Variants in DPP10 observed in about 807,000 individuals in gnomAD.
DPP10 encodes the protein inactive dipeptidyl peptidase 10.
Under a neutral mutation model 120.9 loss-of-function variants are expected in DPP10, and 33 were observed. The ratio of observed to expected loss-of-function variants is 0.27; its 90% CI spans 0.21 to 0.37. The LOEUF (loss-of-function observed/expected upper bound fraction) is 0.37, where lower values mean the gene tolerates loss of function less well. Ranked by LOEUF, DPP10 falls within the 10% of genes least tolerant of loss-of-function variation. DPP10 has a pLI of 1.00. For missense variants in DPP10, 816 were observed against 942.8 expected (o/e 0.87, Z 1.76); for synonymous variants, 337 against 326.1 (o/e 1.03, Z -0.36).
At chr2:114,992,251 C>T (rs1273685108) in intron 1 of DPP10, among the ~76,000 whole-genome samples, 7 of 152,214 alleles carry the variant, frequency 4.6e-5, no homozygotes, top group African/African-American at 1.7e-4. Context: ...ATGCATTCTT[C>T]TGCATACCTA....
intron 1 of DPP10, among the ~76,000 whole-genome samples, chr2:114,684,458 G>T (rs141013288): frequency 1.3e-5 from 2 of 152,024 alleles, no homozygotes; most frequent in African/African-American, 4.8e-5. Flanking sequence ...GTTAGCATAT[G>T]AAAGTGTTTT....
chr2:115,467,340 T>C (rs190921228), intron 3 of DPP10, among the ~76,000 whole-genome samples: 1 of 151,842 alleles, frequency 6.6e-6, no homozygotes, highest in Non-Finnish European at 1.5e-5. Flanking sequence ...GGCGGACAGA[T>C]CATGAGGTCA....
chr2:115,683,987 A>T (rs1348514474), intron 5 of DPP10, among the ~76,000 whole-genome samples: 1 of 151,910 alleles, frequency 6.6e-6, no homozygotes, highest in Non-Finnish European at 1.5e-5. Flanking sequence ...ATTGATTTTA[A>T]ATGCCATCCA....
At chr2:115,384,482 GAAGAAGAAGAAGAGGAA>G (rs1394072986) in intron 3 of DPP10, among the ~76,000 whole-genome samples, 71 of 148,284 alleles carry the variant, frequency 4.8e-4, no homozygotes, top group African/African-American at 1.7e-3. Context: ...GAAGAAGGAA[GAAGAAGAAGAAGAGGAA>G]AAGAAGAAGA....
Position 114,567,977 on chromosome 2 carries a change from T to C in DPP10, c.60+125139T>C, listed in dbSNP as rs1181562953. Reference sequence around the variant, plus strand: ...AACCACTATGACAGATGCTTACCTATGTAACAACCTGTACATCCTGCACAT... The same window carrying C: ...AACCACTATGACAGATGCTTACCTACGTAACAACCTGTACATCCTGCACAT... On this transcript the variant is annotated intron_variant, in intron 1 of 25. Coordinates refer to ENST00000410059, the MANE Select transcript of DPP10 (RefSeq NM_020868.6). Among the ~76,000 whole-genome samples, 3 of 149,298 alleles carry C rather than the reference T, an allele frequency of 2.0e-5. No individual in the cohort carries two copies. In the South Asian group the frequency reaches 6.3e-4, roughly 32 times the overall value.
intron 5 of DPP10, among the ~76,000 whole-genome samples, chr2:115,681,831 CTT>C (rs2090682265): frequency 6.8e-6 from 1 of 146,798 alleles, no homozygotes; most frequent in African/African-American, 2.5e-5. Flanking sequence ...CTTTCTTCCT[CTT>C]TCTTTCTTTT....
intron 1 of DPP10, among the ~76,000 whole-genome samples, chr2:114,595,499 C>T (rs982228352): frequency 8.5e-5 from 13 of 152,110 alleles, no homozygotes; most frequent in Non-Finnish European, 1.8e-4. Flanking sequence ...ACACTTTCTG[C>T]ACCTCAAGAA....
chr2:114,997,317 G>A (rs1478415676), intron 1 of DPP10, among the ~76,000 whole-genome samples: 6 of 107,192 alleles, frequency 5.6e-5, no homozygotes, highest in South Asian at 4.0e-4. Flanking sequence ...GTGAAACCCC[G>A]TCTCTACTGA....
chr2:115,141,244 C>T (rs1424537255), intron 1 of DPP10, among the ~76,000 whole-genome samples: 2 of 152,166 alleles, frequency 1.3e-5, no homozygotes, highest in African/African-American at 4.8e-5. Flanking sequence ...TCAGAGAGAA[C>T]ATCTCTTTCA....
intron 1 of DPP10, among the ~76,000 whole-genome samples, chr2:114,762,116 T>C (rs1680335349): frequency 6.6e-6 from 1 of 152,210 alleles, no homozygotes. Flanking sequence ...TATTTGCTTC[T>C]CCTGTATCCA....
At chr2:114,799,875 G>A (rs1684046710) in intron 1 of DPP10, among the ~76,000 whole-genome samples, 1 of 152,132 alleles carries the variant, frequency 6.6e-6, no homozygotes, top group African/African-American at 2.4e-5. Context: ...ATTTAAATTG[G>A]CAGCTGGCAC....
chr2:114,741,067 G>A (rs577055315), intron 1 of DPP10, among the ~76,000 whole-genome samples: 8 of 152,210 alleles, frequency 5.3e-5, no homozygotes, highest in Non-Finnish European at 5.9e-5. Flanking sequence ...ATTTTACAAG[G>A]TAATTTTATC....
At chr2:115,280,901 A>C (rs566445028) in intron 1 of DPP10, among the ~76,000 whole-genome samples, 48 of 152,290 alleles carry the variant, frequency 3.2e-4, no homozygotes, top group African/African-American at 1.1e-3. Flanking sequence ...TGAGAATTCT[A>C]TCCTATCTTC....
chr2:115,561,071 A>G (rs574829752), intron 5 of DPP10, among the ~76,000 whole-genome samples: 2 of 152,236 alleles, frequency 1.3e-5, no homozygotes, highest in Non-Finnish European at 2.9e-5. Flanking sequence ...AGGACTGGCC[A>G]GGTGCAGTGG....
intron 1 of DPP10, among the ~76,000 whole-genome samples, chr2:115,184,733 A>G (rs187745675): frequency 5.1e-4 from 77 of 152,350 alleles, no homozygotes; most frequent in African/African-American, 1.6e-3. Flanking sequence ...TAGATATCCT[A>G]ATGTAAACAT....
chr2:115,378,142 G>A (rs1259002883), intron 3 of DPP10, among the ~76,000 whole-genome samples: 1 of 152,084 alleles, frequency 6.6e-6, no homozygotes, highest in South Asian at 2.1e-4. Flanking sequence ...ATTACCTTGG[G>A]CAGTATGGCC....
At chr2:115,805,079 C>G (rs931169345) in intron 19 of DPP10, among the ~76,000 whole-genome samples, 1 of 152,182 alleles carries the variant, frequency 6.6e-6, no homozygotes, top group African/African-American at 2.4e-5. Flanking sequence ...TGGGCTCCAC[C>G]CAGTTGGAGC....
intron 2 of DPP10, among the ~76,000 whole-genome samples, chr2:115,317,632 C>CTT (rs148408128): frequency 8.9e-4 from 118 of 133,292 alleles, no homozygotes; most frequent in African/African-American, 2.9e-3. Flanking sequence ...TTGTTCTTTT[C>CTT]TTTTTTTTTT....
intron 1 of DPP10, among the ~76,000 whole-genome samples, chr2:114,810,843 T>A (rs1003461638): frequency 6.6e-6 from 1 of 152,226 alleles, no homozygotes; most frequent in Non-Finnish European, 1.5e-5. Flanking sequence ...GAGCAGTTTA[T>A]GCACATAATT....
Sources: gnomAD v4.1 joint callset for allele counts (sites outside exome capture counted in the v4.1 genomes callset) on GRCh38, gnomAD v4.1.1 for gene constraint, MANE v1.5 for transcripts, NCBI Gene and HGNC (gene_info 2026-07-23, HGNC 2026-07-21) for gene names.